NETO2: variants seen among roughly 807,000 people sequenced by gnomAD.
The protein encoded by NETO2 is neuropilin and tolloid-like protein 2.
A neutral mutation model predicts 62.5 loss-of-function variants in NETO2; 28 were observed. That is an observed-to-expected ratio of 0.45 (90% CI 0.33 to 0.61). The LOEUF is 0.61. Ranked by LOEUF, NETO2 falls within the 20% of genes least tolerant of loss-of-function variation. NETO2 has a pLI of 0.02. For missense variants in NETO2, 548 were observed against 643.2 expected, an observed-to-expected ratio of 0.85 and a Z score of 1.60; for synonymous variants, 214 against 219.1, an observed-to-expected ratio of 0.98 and a Z score of 0.21.
chr16:47,143,050 G>A (rs893469520), intron 1 of NETO2, among the ~76,000 whole-genome samples: 1 of 151,996 alleles, frequency 6.6e-6, no homozygotes, highest in African/African-American at 2.4e-5. Flanking sequence ...GCCGCAGCAG[G>A]TGGGACCCGG....
chr16:47,093,622 T>C (rs7194880), intron 7 of NETO2, among the ~76,000 whole-genome samples: 3,095 of 152,266 alleles, frequency 0.02, 106 homozygotes, highest in African/African-American at 0.07. Context: ...GGAAGGCTGG[T>C]TGACCAAATT....
intron 7 of NETO2, among the ~76,000 whole-genome samples, chr16:47,108,964 C>T (rs1963731281): frequency 6.6e-6 from 1 of 152,156 alleles, no homozygotes; most frequent in Non-Finnish European, 1.5e-5. Context: ...TAACTATTCA[C>T]CAAGCTAAAT....
chr16:47,136,506 A>G (rs1181295694), intron 1 of NETO2, among the ~76,000 whole-genome samples: 1 of 152,212 alleles, frequency 6.6e-6, no homozygotes, highest in African/African-American at 2.4e-5. Flanking sequence ...TCTGGGTTCA[A>G]GCAATTCTCG....
At chr16:47,099,360 C>T (rs1963495507) in intron 7 of NETO2, among the ~76,000 whole-genome samples, 1 of 152,160 alleles carries the variant, frequency 6.6e-6, no homozygotes, top group African/African-American at 2.4e-5. Context: ...CAAAAACATA[C>T]CAAATTTTAA....
At chr16:47,091,806 C>A (rs1963318425) in intron 7 of NETO2, among the ~76,000 whole-genome samples, 1 of 152,100 alleles carries the variant, frequency 6.6e-6, no homozygotes, top group Non-Finnish European at 1.5e-5. Flanking sequence ...CTCTAATGGG[C>A]TTCTCTGGGC....
chr16:47,114,139 AC>A, intron 6 of NETO2, among the ~76,000 whole-genome samples: 1 of 152,186 alleles, frequency 6.6e-6, no homozygotes, highest in Non-Finnish European at 1.5e-5. Context: ...CAGCTGCTCT[AC>A]ATAGTTCCCA....
intron 6 of NETO2, 57 bp downstream of exon 6, chr16:47,122,600 G>A: frequency 5.7e-6 from 9 of 1,567,586 alleles, no homozygotes; most frequent in Non-Finnish European, 7.8e-6. Flanking sequence ...TACACATTTT[G>A]CAAATCATGC....
rs2151490345 is a variant in NETO2, at chr16:47,129,341, G to C, written c.115C>G (p.His39Asp). ...ATGCCACACTGGGTTGCAGGAATAT[G>C]CTTGATTCCAATATTTTGTCCATCT... ...TQDGQNIGIKHIPATQCGIWV... is the reference protein window; with the variant it reads ...TQDGQNIGIKDIPATQCGIWV... Residue 39 changes from histidine (H) to aspartate (D), a missense_variant, in exon 3 of 9, where the codon CAT becomes GAT. Coordinates refer to ENST00000562435, the MANE Select transcript of NETO2 (RefSeq NM_018092.5). 1 of 1,613,886 alleles carries C rather than the reference G, an allele frequency of 6.2e-7. No homozygotes were observed. Among genetic ancestry groups the C allele is most frequent in the Non-Finnish European group, 8.5e-7 (1 of 1,179,912 alleles).
At chr16:47,095,781 A>G (rs746081336) in intron 7 of NETO2, among the ~76,000 whole-genome samples, 29 of 152,304 alleles carry the variant, frequency 1.9e-4, no homozygotes, top group Admixed American at 5.2e-4. Flanking sequence ...ATAAGAAAAT[A>G]AAGGACCTGA....
chr16:47,110,507 C>T (rs759175101), intron 6 of NETO2, among the ~76,000 whole-genome samples: 13 of 152,168 alleles, frequency 8.5e-5, no homozygotes, highest in Non-Finnish European at 1.5e-4. Context: ...AGAGATGAAT[C>T]TGTTATTCGG....
Position 47,083,176 on chromosome 16 carries a change from GCGTACGTACACAC to G in NETO2, c.*32_*44del. ...GAAACAGTATGGTGCCCTGGAGGCT[GCGTACGTACACAC>G]CCTAAGAATTCACATCACCATTAGC... On this transcript the variant is annotated 3_prime_UTR_variant, in exon 9 of 9. Transcript: ENST00000562435. 1 of 1,522,868 alleles carries G rather than the reference GCGTACGTACACAC, an allele frequency of 6.6e-7. No homozygotes were observed. Among genetic ancestry groups the G allele is most frequent in the Non-Finnish European group, 8.9e-7 (1 of 1,121,156 alleles). 94.3% of individuals were successfully genotyped at this position (1,522,868 alleles called of 1,614,324 possible). A position where few individuals can be genotyped will look rare whatever the true frequency, so the allele number is the denominator to read the frequency against.
At position 47,095,592 on chromosome 16, in the gene NETO2, C is replaced by T. The variant is rs543909067; in HGVS notation, c.884-9253G>A. ...GGACACGGTATATTGATAAAAGGGT[C>T]AATTCACCCAGAAGATATAACGATT... On this transcript the variant is annotated intron_variant, in intron 7 of 8. Transcript: ENST00000562435. Among the ~76,000 whole-genome samples the T allele has an allele frequency of 2.7e-4, 41 of 152,196 alleles. No homozygotes were observed. In the East Asian group the frequency reaches 7.7e-3, roughly 29 times the overall value.
chr16:47,090,547 G>A (rs1963291041), intron 7 of NETO2, among the ~76,000 whole-genome samples: 1 of 152,108 alleles, frequency 6.6e-6, no homozygotes, highest in African/African-American at 2.4e-5. Context: ...GTTCCTCACT[G>A]CTGGGTCATG....
chr16:47,124,913 T>A (rs1360416711), intron 4 of NETO2, among the ~76,000 whole-genome samples: 3 of 152,170 alleles, frequency 2.0e-5, no homozygotes, highest in Non-Finnish European at 4.4e-5. Context: ...TCCTAAGCAT[T>A]TTATTATACT....
chr16:47,102,629 G>A (rs1963579291), intron 7 of NETO2, among the ~76,000 whole-genome samples: 1 of 150,404 alleles, frequency 6.6e-6, no homozygotes, highest in African/African-American at 2.4e-5. Context: ...AAAAGTGGGT[G>A]AAGGATATGA....
chr16:47,135,464 G>C (rs1964347935), intron 1 of NETO2, among the ~76,000 whole-genome samples: 1 of 152,182 alleles, frequency 6.6e-6, no homozygotes, highest in African/African-American at 2.4e-5. Context: ...ATTGTACAGA[G>C]AACTGCTTGT....
chr16:47,118,281 G>C (rs1963962454), intron 6 of NETO2, among the ~76,000 whole-genome samples: 1 of 152,136 alleles, frequency 6.6e-6, no homozygotes, highest in South Asian at 2.1e-4. Context: ...GGGACTCAGA[G>C]GTGGTTTATA....
intron 1 of NETO2, among the ~76,000 whole-genome samples, chr16:47,140,690 T>G (rs1214087238): frequency 6.6e-6 from 1 of 152,148 alleles, no homozygotes; most frequent in East Asian, 1.9e-4. Flanking sequence ...TTAATAAGGC[T>G]TTAGTATTAA....
At chr16:47,134,341 T>TAAA (rs1964328279) in intron 1 of NETO2, among the ~76,000 whole-genome samples, 1 of 152,210 alleles carries the variant, frequency 6.6e-6, no homozygotes. Flanking sequence ...TCCCTTTTTT[T>TAAA]GGTTGATGGT....
Sources: allele counts gnomAD v4.1 joint callset (sites outside exome capture counted in the v4.1 genomes callset), GRCh38; gene constraint gnomAD v4.1.1; transcripts MANE v1.5; gene names NCBI Gene and HGNC (gene_info 2026-07-23, HGNC 2026-07-21).